FGFR1: variants seen among roughly 807,000 people sequenced by gnomAD.
The protein encoded by FGFR1 is FGFR1/PLAG1 fusion.
In FGFR1, 18 loss-of-function variants were observed where a neutral mutation model predicts 93.7. The ratio of observed to expected loss-of-function variants is 0.19; its 90% CI spans 0.13 to 0.28. The LOEUF (loss-of-function observed/expected upper bound fraction) is 0.28, where lower values mean the gene tolerates loss of function less well. FGFR1 is among the 10% of genes least tolerant of loss of function. FGFR1 has a pLI of 1.00. For missense variants in FGFR1, 731 were observed against 1,080.4 expected (o/e 0.68, Z 4.53); for synonymous variants, 448 against 429.3 (o/e 1.04, Z -0.54).
At chr8:38,418,647 G>A (rs1015601469) in intron 9 of FGFR1, 4 of 520,658 alleles carry the variant, frequency 7.7e-6, no homozygotes, top group African/African-American at 3.8e-5. Flanking sequence ...TTTTATAACT[G>A]ATCATTGCAG....
At chr8:38,453,246 G>T (rs117127648) in intron 2 of FGFR1, among the ~76,000 whole-genome samples, 4 of 152,140 alleles carry the variant, frequency 2.6e-5, no homozygotes, top group African/African-American at 9.7e-5. Context: ...CAAGTGCAGG[G>T]GCTTTCCGTT....
chr8:38,444,391 T>G (rs1363550004), intron 2 of FGFR1, among the ~76,000 whole-genome samples: 1 of 150,818 alleles, frequency 6.6e-6, no homozygotes, highest in Non-Finnish European at 1.5e-5. Flanking sequence ...GTTCGGGTTT[T>G]TTTTTTTTTT....
Position 38,421,960 on chromosome 8 carries a change from G to A in FGFR1, c.937-19C>T, listed in dbSNP as rs2150760845. On this transcript the variant is annotated intron_variant, in intron 7 of 17. Transcript: ENST00000447712. ...CAGCAGTCTAGAAGAGACAACGGAA[G>A]CAAAATGGACAAGCACAGGACATGA... 1 of 1,613,926 alleles carries A rather than the reference G, an allele frequency of 6.2e-7. No individual in the cohort carries two copies.
rs1293901531 is a variant in FGFR1 at position 38,418,311 on chromosome 8, G to A, written c.1347C>T (p.Leu449=). 1 of 1,614,226 alleles carries A rather than the reference G, an allele frequency of 6.2e-7. No homozygotes were observed. The highest frequency in any genetic ancestry group is 8.5e-7 in the Non-Finnish European group (1 of 1,180,036). The change falls in exon 10 of 18, where the codon CTC becomes CTT. Residue 449 remains leucine, a synonymous_variant. Transcript: ENST00000447712. ...CTAGCATGGGAGTCCCACTGGAGGAGAGCCGTGATGGCCGAACCAGAAGAA... is the reference window on the plus strand; with the variant it reads ...CTAGCATGGGAGTCCCACTGGAGGAAAGCCGTGATGGCCGAACCAGAAGAA... ...SGVLLVRPSR[L]SSSGTPMLAG... is the part of the protein sequence containing the mutation.
chr8:38,436,482 T>C (rs1346306051), intron 2 of FGFR1, among the ~76,000 whole-genome samples: 1 of 152,160 alleles, frequency 6.6e-6, no homozygotes, highest in Non-Finnish European at 1.5e-5. Context: ...GGTTAGGGTT[T>C]GCCTTGAACA....
chr8:38,416,448 ATTTT>A lies in FGFR1; in HGVS notation c.1664-392_1664-389del, dbSNP rs57944426. 2.3e-3 allele frequency among the ~76,000 whole-genome samples: 187 copies of A among 80,918 alleles called. 1 individual carries two copies. Among genetic ancestry groups the A allele is most frequent in the African/African-American group, 5.5e-3 (107 of 19,322 alleles). 53.1% of individuals were successfully genotyped at this position (80,918 alleles called of 152,430 possible). On this transcript the variant is annotated intron_variant, in intron 12 of 17. Transcript: ENST00000447712. ...TACAGGCATGAACAATGCCTGGCTA[ATTTT>A]TTTTTTTTTTTTTTTTTTTTTTGAG...
intron 1 of FGFR1, among the ~76,000 whole-genome samples, chr8:38,464,511 G>C (rs1387968270): frequency 5.9e-5 from 9 of 152,058 alleles, no homozygotes; most frequent in Admixed American, 2.0e-4. Flanking sequence ...AGAGATAAAT[G>C]GTGGCGAGGA....
chr8:38,419,774 G>T, intron 8 of FGFR1, 39 bp from the exon 9 acceptor site: 2 of 1,585,710 alleles, frequency 1.3e-6, no homozygotes, highest in Non-Finnish European at 1.7e-6. Flanking sequence ...GGCTTGGAGG[G>T]CCCCGTCCAT....
intron 4 of FGFR1, 77 bp from the exon 5 acceptor site, chr8:38,428,170 A>G (rs2150923477): frequency 2.5e-6 from 4 of 1,590,084 alleles, no homozygotes; most frequent in Non-Finnish European, 3.4e-6. Context: ...GGCCCAGGCC[A>G]GGACCTGGAG....
chr8:38,461,302 T>G (rs898150136), intron 1 of FGFR1: 3 of 605,268 alleles, frequency 5.0e-6, no homozygotes, highest in Admixed American at 6.0e-5. Flanking sequence ...CCAAAAATTA[T>G]GTAAGGAAAA....
chr8:38,460,109 G>A (rs929922401), intron 1 of FGFR1, among the ~76,000 whole-genome samples: 4 of 152,126 alleles, frequency 2.6e-5, no homozygotes, highest in Admixed American at 2.6e-4. Flanking sequence ...CTTGAATTTG[G>A]GAGGTGGAGG....
Position 38,429,320 on chromosome 8 carries a change from T to G in FGFR1, c.358+362A>C, listed in dbSNP as rs779885644. The G allele has an allele frequency of 1.0e-5, 6 of 571,688 alleles. No homozygotes were observed. The highest frequency in any genetic ancestry group is 2.0e-5 in the Non-Finnish European group (6 of 294,962). 35.4% of individuals were successfully genotyped at this position (571,688 alleles called of 1,614,324 possible). A position where few individuals can be genotyped will look rare whatever the true frequency, so the allele number is the denominator to read the frequency against. The stretch of plus-strand genomic sequence containing the variant: ...TCTAATCACTAAGCCGAGTACCAAG[T>G]CCAAATGGCAAGGGAGTGATGGAGT... On this transcript the variant is annotated intron_variant, in intron 3 of 17. Coordinates refer to ENST00000447712, the MANE Select transcript of FGFR1 (RefSeq NM_023110.3). This position sits in a 1 kb window ranked among gnomAD's most constrained non-coding sequence, Gnocchi z 4.4.
At position 38,429,526 on chromosome 8, in the gene FGFR1, G is replaced by A. The variant is rs1266097696; in HGVS notation, c.358+156C>T. ...GTCACCTCTCTGAGAGCCAAGCCAC[G>A]CGGCAGGCAGGGAGCAATGTTAGTG... is the stretch of plus-strand genomic sequence containing the variant. On this transcript the variant is annotated intron_variant, in intron 3 of 17. Transcript: ENST00000447712. The surrounding 1 kb of genome is among the most constrained non-coding windows in gnomAD (Gnocchi z 4.4). 25 of 898,398 alleles carry A rather than the reference G, an allele frequency of 2.8e-5. No homozygotes were observed. The highest frequency in any genetic ancestry group is 3.6e-5 in the Non-Finnish European group (21 of 575,882). The allele number at this position is 898,398 out of a possible 1,614,324, so 55.7% of individuals were successfully genotyped here.
chr8:38,432,917 C>A (rs551387989), intron 2 of FGFR1, among the ~76,000 whole-genome samples: 5 of 142,594 alleles, frequency 3.5e-5, no homozygotes, highest in Non-Finnish European at 6.3e-5. Flanking sequence ...CGCCCCCCCC[C>A]CTCCCCAGTT....
rs1437538362 is a variant in FGFR1 at position 38,429,662 on chromosome 8, G to A, written c.358+20C>T. On this transcript the variant is annotated intron_variant, in intron 3 of 17. Transcript: ENST00000447712. The surrounding 1 kb of genome is among the most constrained non-coding windows in gnomAD (Gnocchi z 4.4). ...GGGGGTGGGTCTAGGGAGGGGCAAG[G>A]GCAGGGCTTGGCTACCAACCTGAAA... 6.4e-7 allele frequency: 1 copy of A among 1,558,818 alleles called. No individual in the cohort carries two copies. Among genetic ancestry groups the A allele is most frequent in the Admixed American group, 1.9e-5 (1 of 52,032 alleles).
intron 1 of FGFR1, among the ~76,000 whole-genome samples, chr8:38,461,572 G>A (rs1834414775): frequency 6.6e-6 from 1 of 152,132 alleles, no homozygotes; most frequent in African/African-American, 2.4e-5. Context: ...GCCTCCCAAA[G>A]TGCTGGGATT....
rs148435610 is a variant in FGFR1 at position 38,424,395 on chromosome 8, C to T, written c.936+114G>A. On this transcript the variant is annotated intron_variant, in intron 7 of 17. Coordinates refer to ENST00000447712, the MANE Select transcript of FGFR1 (RefSeq NM_023110.3). This position sits in a 1 kb window ranked among gnomAD's most constrained non-coding sequence, Gnocchi z 4.3. ...TGAGATGGAGTGTGTGTGCCTGAAG[C>T]GTGAGGAATGATCCCATTCGGGGGC... 187 of 1,096,452 alleles carry T rather than the reference C, an allele frequency of 1.7e-4. No homozygotes were observed. The highest frequency in any genetic ancestry group is 2.3e-4 in the Non-Finnish European group (167 of 718,472). 67.9% of individuals were successfully genotyped at this position (1,096,452 alleles called of 1,614,324 possible). A position where few individuals can be genotyped will look rare whatever the true frequency, so the allele number is the denominator to read the frequency against.
chr8:38,427,445 A>AT (rs1349632539), intron 5 of FGFR1, among the ~76,000 whole-genome samples: 1 of 152,068 alleles, frequency 6.6e-6, no homozygotes, highest in Admixed American at 6.5e-5. Context: ...CACATGGCTA[A>AT]TTTTTTGTAT....
At chr8:38,451,166 G>T (rs1223137676) in intron 2 of FGFR1, among the ~76,000 whole-genome samples, 1 of 152,120 alleles carries the variant, frequency 6.6e-6, no homozygotes, top group Non-Finnish European at 1.5e-5. Context: ...TCTGGCAGGG[G>T]ATGAAGAAAC....
Sources: gnomAD v4.1 joint callset for allele counts (sites outside exome capture counted in the v4.1 genomes callset) on GRCh38, gnomAD v4.1.1 for gene constraint, Gnocchi (gnomAD v3.1) non-coding constraint, MANE v1.5 for transcripts, NCBI Gene and HGNC (gene_info 2026-07-23, HGNC 2026-07-21) for gene names.